The following VMP1 variants were observed in gnomAD, a reference collection of about 807,000 sequenced individuals.
The protein encoded by VMP1 is ectopic P-granules autophagy protein 3 homolog.
VMP1 carries 11 observed loss-of-function variants against 56.0 expected under a neutral mutation model. The observed-to-expected ratio is 0.20, with a 90% CI of 0.12 to 0.32. The LOEUF is 0.32. VMP1 is among the 10% of genes least tolerant of loss of function. The probability of loss-of-function intolerance (pLI) is 1.00; values close to 1 mark genes in which losing one functional copy is unlikely to be tolerated. For missense variants in VMP1, 296 were observed against 490.3 expected, an observed-to-expected ratio of 0.60 and a Z score of 3.74; for synonymous variants, 149 against 165.0, an observed-to-expected ratio of 0.90 and a Z score of 0.74.
chr17:59,760,035 A>T (rs760890451), intron 5 of VMP1, among the ~76,000 whole-genome samples: 1 of 149,766 alleles, frequency 6.7e-6, no homozygotes, highest in Non-Finnish European at 1.5e-5. Context: ...CTGAGGTAGA[A>T]TCTCATGAGC....
At chr17:59,770,949 GT>G (rs2036401350) in intron 6 of VMP1, among the ~76,000 whole-genome samples, 1 of 149,736 alleles carries the variant, frequency 6.7e-6, no homozygotes. Context: ...ATTTAAGCAT[GT>G]TGCTCTGTTC....
At chr17:59,772,413 G>A (rs2036459724) in intron 6 of VMP1, among the ~76,000 whole-genome samples, 2 of 152,158 alleles carry the variant, frequency 1.3e-5, no homozygotes, top group African/African-American at 2.4e-5. Context: ...TCTTTTCAGA[G>A]CATTTGGAGG....
At chr17:59,836,200 C>T (rs929649117) in intron 10 of VMP1, among the ~76,000 whole-genome samples, 1 of 150,910 alleles carries the variant, frequency 6.6e-6, no homozygotes, top group Non-Finnish European at 1.5e-5. Context: ...ATTAAAGAAT[C>T]TTTTTTTTAT....
chr17:59,810,992 TG>T (rs769915328), intron 8 of VMP1, among the ~76,000 whole-genome samples: 9 of 152,166 alleles, frequency 5.9e-5, no homozygotes, highest in Non-Finnish European at 1.2e-4. Context: ...CTTCTTTGTC[TG>T]GGACTGAGTA....
intron 6 of VMP1, among the ~76,000 whole-genome samples, chr17:59,772,891 T>C (rs905225537): frequency 6.6e-6 from 1 of 151,386 alleles, no homozygotes; most frequent in South Asian, 2.1e-4. Context: ...TTAAAGCAAC[T>C]TCTGAAGTTC....
chr17:59,775,826 C>T (rs1206507170), intron 7 of VMP1, among the ~76,000 whole-genome samples: 2 of 152,176 alleles, frequency 1.3e-5, no homozygotes, highest in Non-Finnish European at 2.9e-5. Context: ...TTGACCTAAT[C>T]ACAATCTGTG....
chr17:59,738,847 G>A lies in VMP1; in HGVS notation c.314G>A (p.Arg105His), dbSNP rs115657588. 2.0e-4 allele frequency: 319 copies of A among 1,611,412 alleles called. 1 individual carries two copies. The African/African-American group carries it at 3.5e-3, about 18-fold the overall frequency. ...ATCCCTTTTTTTCAGTATGTGCAAC[G>A]TATAGAGAAACAGTTTCTTTTGTAT... ...VEGVHQQYVQRIEKQFLLYAY... is the reference protein window; with the variant it reads ...VEGVHQQYVQHIEKQFLLYAY... Residue 105 changes from arginine to histidine, a missense_variant, in exon 5 of 12, where the codon CGT becomes CAT. Physicochemically the swap from Arg to His is conservative, Grantham distance 29. Transcript: ENST00000262291.
At chr17:59,829,543 A>G (rs2038747197) in intron 10 of VMP1, among the ~76,000 whole-genome samples, 2 of 152,248 alleles carry the variant, frequency 1.3e-5, no homozygotes, top group South Asian at 2.1e-4. Flanking sequence ...AATCTTTATC[A>G]GACAGGAAAT....
In VMP1 at chr17:59,765,054, T is replaced by A; in HGVS notation, c.498T>A (p.Ile166=). The A allele has an allele frequency of 1.2e-6, 2 of 1,614,132 alleles. No homozygotes were observed. The highest frequency in any genetic ancestry group is 2.2e-5 in the South Asian group (2 of 91,090). ...NFPEPPYPDQ[I]ICPDEEGTEG... ...CCGAACCACCCTATCCTGATCAGATTATTTGTCCAGATGAAGAGGGCACTG... is the reference window on the plus strand; with the variant it reads ...CCGAACCACCCTATCCTGATCAGATAATTTGTCCAGATGAAGAGGGCACTG... Residue 166 remains isoleucine (I), a synonymous_variant, in exon 6 of 12, where the codon ATT becomes ATA. Transcript: ENST00000262291.
intron 3 of VMP1, 59 bp downstream of exon 3, chr17:59,735,532 C>A: frequency 1.3e-6 from 2 of 1,577,694 alleles, no homozygotes; most frequent in Non-Finnish European, 1.7e-6. Flanking sequence ...TTAAAAAATC[C>A]TCAGTAATCT....
chr17:59,734,902 C>CTTTTT lies in VMP1; in HGVS notation c.77-417_77-413dup, dbSNP rs35072996. ...TCTATGCTGAGTTGGGACTGGTTGC[C>CTTTTT]TTTTTTTTTTTTTTTTTTTTTTTGA... On this transcript the variant is annotated intron_variant, in intron 2 of 11. Coordinates refer to ENST00000262291, the MANE Select transcript of VMP1 (RefSeq NM_030938.5). 1.3e-3 allele frequency among the ~76,000 whole-genome samples: 95 copies of CTTTTT among 72,280 alleles called. 3 individuals carry two copies. Among genetic ancestry groups the CTTTTT allele is most frequent in the East Asian group, 3.0e-3 (6 of 2,014 alleles). The allele number at this position is 72,280 out of a possible 152,430, so 47.4% of individuals were successfully genotyped here.
At chr17:59,759,916 T>TG (rs1409997963) in intron 5 of VMP1, among the ~76,000 whole-genome samples, 2 of 149,388 alleles carry the variant, frequency 1.3e-5, no homozygotes, top group Non-Finnish European at 3.0e-5. Flanking sequence ...TTTTTTTTTT[T>TG]TTTTTTTGGT....
chr17:59,753,816 C>T (rs780660529), intron 5 of VMP1, among the ~76,000 whole-genome samples: 27 of 152,042 alleles, frequency 1.8e-4, no homozygotes, highest in Non-Finnish European at 3.4e-4. Context: ...TTCTGTTTGC[C>T]ATATATTTTA....
rs1356896238 is a variant in VMP1 at position 59,833,336 on chromosome 17, G to A, written c.975-4959G>A. The stretch of plus-strand genomic sequence containing the variant: ...AGTATAAGAGTACTTTGTTGAAGCT[G>A]AGGCATCAGTAGCCTAAGTCATTGT... On this transcript the variant is annotated intron_variant, in intron 10 of 11. Coordinates refer to ENST00000262291, the MANE Select transcript of VMP1 (RefSeq NM_030938.5). 7.2e-5 allele frequency among the ~76,000 whole-genome samples: 11 copies of A among 152,228 alleles called. No individual in the cohort carries two copies. In the South Asian group the frequency reaches 2.1e-3, roughly 29 times the overall value.
At chr17:59,823,990 G>T (rs148069317) in intron 10 of VMP1, among the ~76,000 whole-genome samples, 2 of 152,090 alleles carry the variant, frequency 1.3e-5, no homozygotes, top group African/African-American at 4.8e-5. Context: ...CGGGCCGGGC[G>T]CAGAGGCTCA....
chr17:59,810,216 A>G (rs2038009422), intron 8 of VMP1, among the ~76,000 whole-genome samples: 1 of 151,682 alleles, frequency 6.6e-6, no homozygotes, highest in Non-Finnish European at 1.5e-5. Context: ...TGCAGTGGCG[A>G]GATCTTGGCT....
chr17:59,758,937 T>C (rs904660773), intron 5 of VMP1, among the ~76,000 whole-genome samples: 2 of 151,452 alleles, frequency 1.3e-5, no homozygotes, highest in African/African-American at 4.9e-5. Context: ...CTACAAAAAA[T>C]TAGCCAGGCG....
chr17:59,726,282 G>GT (rs1182103506), intron 1 of VMP1, among the ~76,000 whole-genome samples: 7 of 118,762 alleles, frequency 5.9e-5, no homozygotes, highest in African/African-American at 1.5e-4. Flanking sequence ...AACACACATA[G>GT]TTTTTTTTGT....
chr17:59,791,656 G>T (rs1267934476), intron 7 of VMP1, among the ~76,000 whole-genome samples: 1 of 151,438 alleles, frequency 6.6e-6, no homozygotes, highest in Non-Finnish European at 1.5e-5. Flanking sequence ...TAGAGACAGG[G>T]TTTCACCATG....
Sources: allele counts gnomAD v4.1 joint callset (sites outside exome capture counted in the v4.1 genomes callset), GRCh38; gene constraint gnomAD v4.1.1; transcripts MANE v1.5; gene names NCBI Gene and HGNC (gene_info 2026-07-23, HGNC 2026-07-21).